The following CSMD1 variants were observed in gnomAD, a reference collection of about 807,000 sequenced individuals.
CSMD1 encodes CUB and Sushi multiple domains 1.
In CSMD1, 213 loss-of-function variants were observed where a neutral mutation model predicts 417.5. The ratio of observed to expected loss-of-function variants is 0.51; its 90% CI spans 0.46 to 0.57. The LOEUF (loss-of-function observed/expected upper bound fraction) is 0.57. CSMD1 is among the 20% of genes least tolerant of loss of function. CSMD1 has a pLI of 0.00. For missense variants in CSMD1, 6,923 were observed against 4,529.7 expected, an observed-to-expected ratio of 1.53 and a Z score of -15.17; for synonymous variants, 2,862 against 1,736.8, an observed-to-expected ratio of 1.65 and a Z score of -16.11.
At chr8:4,504,935 G>A (rs766148324) in intron 2 of CSMD1, among the ~76,000 whole-genome samples, 1 of 152,144 alleles carries the variant, frequency 6.6e-6, no homozygotes, top group Non-Finnish European at 1.5e-5. Flanking sequence ...CAGTGCTGCA[G>A]TAAACATACG....
intron 3 of CSMD1, among the ~76,000 whole-genome samples, chr8:4,042,653 T>G (rs1797949036): frequency 6.6e-6 from 1 of 151,676 alleles, no homozygotes; most frequent in African/African-American, 2.4e-5. Context: ...AAAATCTGTT[T>G]AAAACACTAT....
chr8:3,501,183 G>C (rs1484107768), intron 10 of CSMD1, among the ~76,000 whole-genome samples: 1 of 152,074 alleles, frequency 6.6e-6, no homozygotes, highest in Admixed American at 6.5e-5. Flanking sequence ...TAAACCAAAA[G>C]AATCCAAATA....
chr8:4,325,497 T>C (rs1374154607), intron 3 of CSMD1, among the ~76,000 whole-genome samples: 1 of 152,212 alleles, frequency 6.6e-6, no homozygotes, highest in Non-Finnish European at 1.5e-5. Context: ...CTGAAGTTTG[T>C]CTGCTCATTT....
intron 1 of CSMD1, among the ~76,000 whole-genome samples, chr8:4,713,409 GTT>G (rs1477261065): frequency 6.6e-6 from 1 of 150,636 alleles, no homozygotes; most frequent in East Asian, 2.0e-4. Flanking sequence ...GTTTTGTTTT[GTT>G]TTGTTTTTGA....
chr8:2,973,160 A>T lies in CSMD1; in HGVS notation c.8880T>A (p.Cys2960Ter). The T allele has an allele frequency of 6.2e-7, 1 of 1,613,730 alleles. No individual in the cohort carries two copies. The highest frequency in any genetic ancestry group is 8.5e-7 in the Non-Finnish European group (1 of 1,179,714). ...HQLRGSPERT[C>*]LLNGSWSGLQ... ...GTCCTGACCATGACCCATTGAGCAAACACGTGCGTTCAGGGGAGCCCCTCA... is the reference window on the plus strand; with the variant it reads ...GTCCTGACCATGACCCATTGAGCAATCACGTGCGTTCAGGGGAGCCCCTCA... Residue 2960 changes from cysteine (C) to a stop codon, truncating the protein, a stop_gained, in exon 57 of 70, where the codon TGT becomes TGA. Coordinates refer to ENST00000635120, the MANE Select transcript of CSMD1 (RefSeq NM_033225.6). LOFTEE classifies it high-confidence loss of function.
At chr8:4,475,152 G>T (rs542022265) in intron 2 of CSMD1, among the ~76,000 whole-genome samples, 34 of 152,284 alleles carry the variant, frequency 2.2e-4, no homozygotes, top group Middle Eastern at 3.4e-3. Flanking sequence ...TATTAAGCAA[G>T]CCTATTGATA....
chr8:4,381,590 T>C (rs939165807), intron 3 of CSMD1, among the ~76,000 whole-genome samples: 1 of 152,072 alleles, frequency 6.6e-6, no homozygotes, highest in Admixed American at 6.6e-5. Flanking sequence ...CAATGACCAC[T>C]TCCCCTTGGT....
intron 36 of CSMD1, chr8:3,183,089 G>C (rs967259527): frequency 1.3e-5 from 2 of 151,682 alleles, no homozygotes; most frequent in Non-Finnish European, 2.9e-5. Context: ...GAAGTGTGTC[G>C]AACTAAACGC....
At chr8:3,988,247 C>G (rs376070161) in intron 5 of CSMD1, among the ~76,000 whole-genome samples, 3 of 152,160 alleles carry the variant, frequency 2.0e-5, no homozygotes, top group East Asian at 3.9e-4. Context: ...CCTCGGCTTT[C>G]TGGATCATCT....
chr8:4,106,388 T>G (rs11986069), intron 3 of CSMD1, among the ~76,000 whole-genome samples: 3 of 152,126 alleles, frequency 2.0e-5, no homozygotes, highest in African/African-American at 7.2e-5. Flanking sequence ...TGCTGCATAA[T>G]TGATCTGGTA....
intron 2 of CSMD1, among the ~76,000 whole-genome samples, chr8:4,519,249 G>A (rs1231314883): frequency 1.3e-5 from 2 of 152,028 alleles, no homozygotes; most frequent in Non-Finnish European, 1.5e-5. Flanking sequence ...CATACTCAAT[G>A]CTGGCCTGGC....
At chr8:4,070,897 C>G (rs935109988) in intron 3 of CSMD1, among the ~76,000 whole-genome samples, 4 of 152,068 alleles carry the variant, frequency 2.6e-5, no homozygotes, top group Non-Finnish European at 5.9e-5. Flanking sequence ...TTTCTTTTTG[C>G]TTTTAGCACT....
intron 5 of CSMD1, among the ~76,000 whole-genome samples, chr8:3,957,301 A>AT (rs895018512): frequency 1.3e-5 from 2 of 152,142 alleles, no homozygotes; most frequent in Non-Finnish European, 2.9e-5. Flanking sequence ...CCTCAGAAAT[A>AT]TTTTTTTAGT....
chr8:3,522,209 T>C (rs564573714), intron 10 of CSMD1, among the ~76,000 whole-genome samples: 6 of 152,320 alleles, frequency 3.9e-5, no homozygotes, highest in East Asian at 1.9e-4. Flanking sequence ...AAATTTTTTA[T>C]TATTTTATCT....
At chr8:3,839,551 ATATAT>A (rs1033432931) in intron 5 of CSMD1, among the ~76,000 whole-genome samples, 99 of 91,192 alleles carry the variant, frequency 1.1e-3, no homozygotes, top group African/African-American at 3.1e-3. Context: ...TATATTATAT[ATATAT>A]TATAATATAT....
At chr8:3,766,198 G>C (rs1038142322) in intron 5 of CSMD1, among the ~76,000 whole-genome samples, 1 of 152,144 alleles carries the variant, frequency 6.6e-6, no homozygotes, top group Admixed American at 6.5e-5. Flanking sequence ...AGAGGAATGA[G>C]GCCAGCACAG....
chr8:4,094,748 T>C (rs951588638), intron 3 of CSMD1, among the ~76,000 whole-genome samples: 6 of 151,968 alleles, frequency 3.9e-5, no homozygotes, highest in African/African-American at 1.5e-4. Flanking sequence ...TTCAGACAAA[T>C]GATGGAGGTG....
intron 26 of CSMD1, among the ~76,000 whole-genome samples, chr8:3,231,356 G>C (rs535348112): frequency 6.6e-6 from 1 of 151,720 alleles, no homozygotes; most frequent in African/African-American, 2.4e-5. Context: ...TCAACACCAA[G>C]TTTTATGAAA....
chr8:4,415,491 C>T (rs1401519957), intron 3 of CSMD1, among the ~76,000 whole-genome samples: 1 of 152,150 alleles, frequency 6.6e-6, no homozygotes, highest in Non-Finnish European at 1.5e-5. Flanking sequence ...CTCTACATGG[C>T]CCACGTAGAC....
Sources: gnomAD v4.1 joint callset for allele counts (sites outside exome capture counted in the v4.1 genomes callset) on GRCh38, gnomAD v4.1.1 for gene constraint, MANE v1.5 for transcripts, NCBI Gene and HGNC (gene_info 2026-07-23, HGNC 2026-07-21) for gene names.